SLC44A5: variants seen among roughly 807,000 people sequenced by gnomAD.
SLC44A5 encodes choline transporter-like protein 5.
SLC44A5 carries 57 observed loss-of-function variants against 101.8 expected under a neutral mutation model. The observed-to-expected ratio is 0.56, with a 90% CI of 0.45 to 0.70. The LOEUF (loss-of-function observed/expected upper bound fraction) is 0.70. SLC44A5 is among the 30% of genes least tolerant of loss of function. The pLI is 0.00. For missense variants in SLC44A5, 737 were observed against 853.1 expected, an observed-to-expected ratio of 0.86 and a Z score of 1.70; for synonymous variants, 281 against 290.9, an observed-to-expected ratio of 0.97 and a Z score of 0.35.
intron 14 of SLC44A5, among the ~76,000 whole-genome samples, chr1:75,220,152 T>A (rs1320778622): frequency 6.6e-6 from 1 of 152,214 alleles, no homozygotes; most frequent in Non-Finnish European, 1.5e-5. Context: ...TCTGATTTGA[T>A]ACATTGTAAT....
intron 4 of SLC44A5, among the ~76,000 whole-genome samples, chr1:75,317,831 A>C (rs1655811773): frequency 1.3e-5 from 2 of 152,130 alleles, no homozygotes; most frequent in African/African-American, 4.8e-5. Context: ...TAATCCCATC[A>C]GTAGGACCCA....
the SLC44A5 span, among the ~76,000 whole-genome samples, chr1:75,620,053 A>G: frequency 3.4e-4 from 51 of 151,660 alleles, no homozygotes; most frequent in Admixed American, 2.7e-3. Context: ...TTATTGTTCA[A>G]CTCCCACTTA....
At chr1:75,312,390 T>A (rs140626892) in intron 4 of SLC44A5, among the ~76,000 whole-genome samples, 1 of 152,162 alleles carries the variant, frequency 6.6e-6, no homozygotes, top group East Asian at 1.9e-4. Flanking sequence ...TCCCCCAAGG[T>A]TCATGTGTTG....
chr1:75,610,147 A>T (rs1675570015), intron 1 of SLC44A5, among the ~76,000 whole-genome samples: 2 of 133,240 alleles, frequency 1.5e-5, no homozygotes, highest in South Asian at 4.8e-4. Context: ...ACACACACAC[A>T]CACACACACA....
chr1:75,470,000 A>G (rs1157479211), intron 2 of SLC44A5, among the ~76,000 whole-genome samples: 1 of 151,936 alleles, frequency 6.6e-6, no homozygotes, highest in African/African-American at 2.4e-5. Flanking sequence ...GATGACTTGC[A>G]TATTTCCTAA....
At chr1:75,694,644 T>C in the SLC44A5 span, among the ~76,000 whole-genome samples, 1 of 152,212 alleles carries the variant, frequency 6.6e-6, no homozygotes, top group East Asian at 1.9e-4. Context: ...ATAAATTAGA[T>C]GTTACATAGA....
intron 2 of SLC44A5, among the ~76,000 whole-genome samples, chr1:75,508,796 TGG>T (rs1232275644): frequency 6.6e-6 from 1 of 152,118 alleles, no homozygotes; most frequent in African/African-American, 2.4e-5. Context: ...ACAAATAGAA[TGG>T]GAATAAATGA....
chr1:75,375,121 C>G (rs1458150034), intron 3 of SLC44A5, among the ~76,000 whole-genome samples: 2 of 152,132 alleles, frequency 1.3e-5, no homozygotes, highest in Admixed American at 1.3e-4. Context: ...AAAAAATGAT[C>G]CAAGTATCGA....
intron 1 of SLC44A5, among the ~76,000 whole-genome samples, chr1:75,599,455 C>T (rs540828791): frequency 2.1e-4 from 32 of 152,176 alleles, no homozygotes; most frequent in Admixed American, 4.6e-4. Flanking sequence ...GTTTTTGGTT[C>T]CTTTTGCTTC....
chr1:75,471,039 A>G (rs1667079228), intron 2 of SLC44A5, among the ~76,000 whole-genome samples: 1 of 152,204 alleles, frequency 6.6e-6, no homozygotes. Flanking sequence ...ATCTTCAAAT[A>G]TAATGCAGAG....
chr1:75,236,602 C>T lies in SLC44A5; in HGVS notation c.740+385G>A, dbSNP rs140316504. Among the ~76,000 whole-genome samples, 741 of 151,918 alleles carry T rather than the reference C, an allele frequency of 4.9e-3. 3 individuals are homozygous for T. The highest frequency in any genetic ancestry group is 0.015 in the South Asian group (70 of 4,826). On this transcript the variant is annotated intron_variant, in intron 11 of 23. Coordinates refer to ENST00000370859, the MANE Select transcript of SLC44A5 (RefSeq NM_001130058.2). Reference sequence around the variant, plus strand: ...GATCCTTTTAAAGTCAAGGGAGGGACGAATTAGAAAAAAGAATCTGAGAAA... The same window carrying T: ...GATCCTTTTAAAGTCAAGGGAGGGATGAATTAGAAAAAAGAATCTGAGAAA...
At chr1:75,501,164 T>C (rs1668938468) in intron 2 of SLC44A5, among the ~76,000 whole-genome samples, 1 of 148,620 alleles carries the variant, frequency 6.7e-6, no homozygotes, top group East Asian at 2.2e-4. Context: ...AAAAACTCCA[T>C]CCAACTCCAA....
chr1:75,563,397 A>G (rs567489886), intron 1 of SLC44A5, among the ~76,000 whole-genome samples: 7 of 152,206 alleles, frequency 4.6e-5, no homozygotes, highest in African/African-American at 1.4e-4. Context: ...GGTCTTATTC[A>G]GAAACCATTC....
rs1015007287 is a variant in SLC44A5 at position 75,308,617 on chromosome 1, G to C, written c.102-7932C>G. On this transcript the variant is annotated intron_variant, in intron 4 of 23. Coordinates refer to ENST00000370859, the MANE Select transcript of SLC44A5 (RefSeq NM_001130058.2). Reference sequence around the variant, plus strand: ...CTTATATTACAGGTGGGGCATTGTAGACCAAAGGCACTACACAGCAGGGTG... The same window carrying C: ...CTTATATTACAGGTGGGGCATTGTACACCAAAGGCACTACACAGCAGGGTG... Among the ~76,000 whole-genome samples, 222 of 152,274 alleles carry C rather than the reference G, an allele frequency of 1.5e-3. 1 individual carries two copies. Among genetic ancestry groups the C allele is most frequent in the African/African-American group, 5.2e-3 (214 of 41,552 alleles).
the SLC44A5 span, among the ~76,000 whole-genome samples, chr1:75,669,333 G>C: frequency 1.3e-5 from 2 of 152,140 alleles, no homozygotes; most frequent in African/African-American, 4.8e-5. Context: ...TCACTGTACT[G>C]ATTCCCTGCT....
At chr1:75,494,927 C>G (rs1230099688) in intron 2 of SLC44A5, among the ~76,000 whole-genome samples, 1 of 152,146 alleles carries the variant, frequency 6.6e-6, no homozygotes, top group Non-Finnish European at 1.5e-5. Context: ...TCTCAGAGCA[C>G]TGATGAAACT....
chr1:75,574,079 G>A (rs1405619883), intron 1 of SLC44A5, among the ~76,000 whole-genome samples: 2 of 152,114 alleles, frequency 1.3e-5, no homozygotes, highest in Non-Finnish European at 2.9e-5. Flanking sequence ...TTTTTAAAAA[G>A]TGAAGAAAGC....
At chr1:75,293,163 A>T (rs1653697169) in intron 5 of SLC44A5, among the ~76,000 whole-genome samples, 1 of 152,250 alleles carries the variant, frequency 6.6e-6, no homozygotes, top group African/African-American at 2.4e-5. Flanking sequence ...TTGGCAAGAG[A>T]TGGTGAAAAA....
upstream of SLC44A5, among the ~76,000 whole-genome samples, chr1:75,614,290 A>AT (rs1488159532): frequency 6.6e-6 from 1 of 152,140 alleles, no homozygotes; most frequent in Non-Finnish European, 1.5e-5. Context: ...CCATGCGCTA[A>AT]TTTATGGAGG....
Sources: gnomAD v4.1 joint callset for allele counts (sites outside exome capture counted in the v4.1 genomes callset) on GRCh38, gnomAD v4.1.1 for gene constraint, MANE v1.5 for transcripts, NCBI Gene and HGNC (gene_info 2026-07-23, HGNC 2026-07-21) for gene names.